Variants in RNPEPL1 observed in about 807,000 individuals in gnomAD.
The protein encoded by RNPEPL1 is arginyl aminopeptidase like 1.
A neutral mutation model predicts 69.0 loss-of-function variants in RNPEPL1; 46 were observed. The ratio of observed to expected loss-of-function variants is 0.67; its 90% CI spans 0.53 to 0.85. RNPEPL1 has a LOEUF of 0.85. Ranked by LOEUF, RNPEPL1 falls within the 40% of genes least tolerant of loss-of-function variation. The probability of loss-of-function intolerance (pLI) is 0.00; values close to 1 mark genes in which losing one functional copy is unlikely to be tolerated. For missense variants in RNPEPL1, 869 were observed against 992.5 expected (o/e 0.88, Z 1.67); for synonymous variants, 525 against 454.1 (o/e 1.16, Z -1.98).
In RNPEPL1 at chr2:240,576,519, C is replaced by T. The variant is rs2093038058; in HGVS notation, c.1511-16C>T. 1 of 1,600,008 alleles carries T rather than the reference C, an allele frequency of 6.2e-7. No homozygotes were observed. The highest frequency in any genetic ancestry group is 1.3e-5 in the African/African-American group (1 of 74,716). ...CTAGCCTGGGCAGGGACCCCAGGGTCACTTCTCCCCTCTAGGGCTGGAATT... is the reference window on the plus strand; with the variant it reads ...CTAGCCTGGGCAGGGACCCCAGGGTTACTTCTCCCCTCTAGGGCTGGAATT... On this transcript the variant is annotated splice_polypyrimidine_tract_variant and intron_variant, in intron 8 of 10. Coordinates refer to ENST00000270357, the MANE Select transcript of RNPEPL1 (RefSeq NM_018226.6).
chr2:240,575,994 G>A (rs1014359476), intron 8 of RNPEPL1: 1 of 286,926 alleles, frequency 3.5e-6, no homozygotes, highest in Non-Finnish European at 6.8e-6. Flanking sequence ...AGGGCTTGGG[G>A]CCCAGGAAGG....
intron 10 of RNPEPL1, 58 bp from the exon 11 acceptor site, chr2:240,577,541 T>C (rs1463228058): frequency 2.0e-6 from 3 of 1,490,950 alleles, no homozygotes; most frequent in Non-Finnish European, 2.7e-6. Context: ...GCTGGCAGGG[T>C]GGGCTGGCTC....
In RNPEPL1 at chr2:240,576,661, A is replaced by C; in HGVS notation, c.1637A>C (p.Asp546Ala). 1.2e-6 allele frequency: 2 copies of C among 1,612,986 alleles called. No individual in the cohort carries two copies. Among genetic ancestry groups the C allele is most frequent in the Non-Finnish European group, 1.7e-6 (2 of 1,179,976 alleles). The change falls in exon 9 of 11, where the codon GAC becomes GCC. Residue 546 changes from aspartate to alanine, a missense_variant. Physicochemically the swap from Asp to Ala is moderately radical, Grantham distance 126. This residue lies in a region of RNPEPL1 where 610 missense variants were observed against 790.9 expected (regional missense o/e 0.77). Coordinates refer to ENST00000270357, the MANE Select transcript of RNPEPL1 (RefSeq NM_018226.6). ...LFQLWTAEPL[D>A]QAAASASAID... is the part of the protein sequence containing the mutation. ...CAGCTGTGGACCGCAGAACCTCTGG[A>C]CCAGGCAGCTGCCTCGGCCAGCGCC... is the stretch of plus-strand genomic sequence containing the variant.
Position 240,581,288 on chromosome 2 carries a change from G to A in RNPEPL1, c.*3396G>A, listed in dbSNP as rs1201800369. 6.6e-6 allele frequency: 1 copy of A among 152,100 alleles called. No homozygotes were observed. The highest frequency in any genetic ancestry group is 2.4e-5 in the African/African-American group (1 of 41,394). The allele number at this position is 152,100 out of a possible 1,614,324, so 9.4% of individuals were successfully genotyped here. A position where few individuals can be genotyped will look rare whatever the true frequency, so the allele number is the denominator to read the frequency against. On this transcript the variant is annotated 3_prime_UTR_variant, in exon 11 of 11. Coordinates refer to ENST00000270357, the MANE Select transcript of RNPEPL1 (RefSeq NM_018226.6). ...ATATGAAGAGGCACTTATGAAACAA[G>A]AACAGGTAGTTTATAAAAAAGAACC... is the stretch of plus-strand genomic sequence containing the variant.
At chr2:240,571,679 G>A (rs1475187838) in intron 1 of RNPEPL1, among the ~76,000 whole-genome samples, 3 of 151,708 alleles carry the variant, frequency 2.0e-5, no homozygotes, top group African/African-American at 4.8e-5. Context: ...CAGCTTTGGT[G>A]CAGATGAGAG....
chr2:240,569,789 T>C (rs1165914744), intron 1 of RNPEPL1, among the ~76,000 whole-genome samples: 2 of 152,210 alleles, frequency 1.3e-5, no homozygotes, highest in Non-Finnish European at 2.9e-5. Context: ...CTAGGTGGTA[T>C]GGACGGCACA....
rs2125447546 is a variant in RNPEPL1, at chr2:240,569,055, C to A, written c.469C>A (p.Leu157Met). The A allele has an allele frequency of 6.6e-7, 1 of 1,510,710 alleles. No individual in the cohort carries two copies. Among genetic ancestry groups the A allele is most frequent in the African/African-American group, 1.4e-5 (1 of 69,392 alleles). 93.6% of individuals were successfully genotyped at this position (1,510,710 alleles called of 1,614,324 possible). A position where few individuals can be genotyped will look rare whatever the true frequency, so the allele number is the denominator to read the frequency against. The change falls in exon 1 of 11, where the codon CTG (leucine) becomes ATG (methionine). Residue 157 changes from leucine (L) to methionine (M), a missense_variant. Around this residue, in one of 2 missense-constraint regions of RNPEPL1, gnomAD observed 610 missense variants for 790.9 expected, o/e 0.77. Coordinates refer to ENST00000270357, the MANE Select transcript of RNPEPL1 (RefSeq NM_018226.6). ...SSLTVTLPPE[L>M]QAHQPFQVIL... ...GCTCACCGTCACGCTGCCGCCCGAG[C>A]TGCAGGCGCACCAGCCCTTCCAGGT...
At chr2:240,576,112 G>T in intron 8 of RNPEPL1, 1 of 271,528 alleles carries the variant, frequency 3.7e-6, no homozygotes, top group Non-Finnish European at 7.1e-6. Flanking sequence ...GGTACAGCAA[G>T]TGCATCAAGA....
In RNPEPL1 at chr2:240,574,328, G is replaced by A. The variant is rs780602396; in HGVS notation, c.1154G>A (p.Arg385His). 26 of 1,594,994 alleles carry A rather than the reference G, an allele frequency of 1.6e-5. No individual in the cohort carries two copies. Among genetic ancestry groups the A allele is most frequent in the Non-Finnish European group, 2.0e-5 (23 of 1,176,550 alleles). Residue 385 changes from arginine to histidine, a missense_variant, in exon 5 of 11, where the codon CGT becomes CAT. Transcript: ENST00000270357. The stretch of plus-strand genomic sequence containing the variant: ...GGCCTGGCCACCTATGCCCAGCGCC[G>A]TATCACCACCGAGACCTACGGTGCG... ...SEGLATYAQR[R>H]ITTETYGAAF...
intron 6 of RNPEPL1, 124 bp from the exon 7 acceptor site, chr2:240,574,906 T>C: frequency 1.3e-6 from 1 of 797,102 alleles, no homozygotes; most frequent in East Asian, 2.4e-5. Context: ...AGTACACATC[T>C]GGACATGTGA....
At chr2:240,573,728 G>C (rs373622534) in intron 3 of RNPEPL1, 47 bp from the exon 4 acceptor site, 1 of 1,439,222 alleles carries the variant, frequency 6.9e-7, no homozygotes, top group Admixed American at 2.2e-5. Flanking sequence ...TGGGGTGAGC[G>C]GGGCTGGGGC....
rs574598857 is a variant in RNPEPL1 at position 240,578,191 on chromosome 2, A to G, written c.*299A>G. ...GCTGTGCCTAGCCCCGGATGCCAGC[A>G]CCTGCCAGGTGCCGCCCCGGGGCAA... On this transcript the variant is annotated 3_prime_UTR_variant, in exon 11 of 11. Coordinates refer to ENST00000270357, the MANE Select transcript of RNPEPL1 (RefSeq NM_018226.6). The G allele has an allele frequency of 1.6e-5, 5 of 305,756 alleles. No individual in the cohort carries two copies. In the South Asian group the frequency reaches 6.7e-4, roughly 41 times the overall value. The allele number at this position is 305,756 out of a possible 1,614,324, so 18.9% of individuals were successfully genotyped here.
chr2:240,576,895 A>G lies in RNPEPL1; in HGVS notation c.1789A>G (p.Met597Val). 1 of 1,613,390 alleles carries G rather than the reference A, an allele frequency of 6.2e-7. No homozygotes were observed. The highest frequency in any genetic ancestry group is 8.5e-7 in the Non-Finnish European group (1 of 1,179,958). Residue 597 changes from methionine to valine, a missense_variant, in exon 10 of 11, where the codon ATG (methionine) becomes GTG (valine). This residue lies in a region of RNPEPL1 where 610 missense variants were observed against 790.9 expected (regional missense o/e 0.77). Coordinates refer to ENST00000270357, the MANE Select transcript of RNPEPL1 (RefSeq NM_018226.6). ...SKCYSSLLDS[M>V]NAEIRIRWLQ... ...GTGCTACTCCTCCCTGCTGGACTCG[A>G]TGAACGCTGAGATCCGCATCCGCTG...
At chr2:240,577,056 G>A (rs536934431) in intron 10 of RNPEPL1, 66 bp downstream of exon 10, 79 of 1,591,272 alleles carry the variant, frequency 5.0e-5, no homozygotes, top group East Asian at 9.0e-5. Flanking sequence ...AGTCCCACCC[G>A]ACTCCCTAGT....
rs1211115772 is a variant in RNPEPL1, at chr2:240,577,936, G to T, written c.*44G>T. The T allele has an allele frequency of 7.0e-7, 1 of 1,428,532 alleles. No homozygotes were observed. The highest frequency in any genetic ancestry group is 1.4e-5 in the African/African-American group (1 of 70,036). The allele number at this position is 1,428,532 out of a possible 1,614,324, so 88.5% of individuals were successfully genotyped here. A position where few individuals can be genotyped will look rare whatever the true frequency, so the allele number is the denominator to read the frequency against. On this transcript the variant is annotated 3_prime_UTR_variant, in exon 11 of 11. Transcript: ENST00000270357. ...CCTCGACCTCCCAGACACCACAATTGTGCCTTCTGTGGGCCAGGCCTGCCA... is the reference window on the plus strand; with the variant it reads ...CCTCGACCTCCCAGACACCACAATTTTGCCTTCTGTGGGCCAGGCCTGCCA...
Position 240,578,198 on chromosome 2 carries a change from A to G in RNPEPL1, c.*306A>G. The G allele has an allele frequency of 3.4e-6, 1 of 293,592 alleles. No individual in the cohort carries two copies. Among genetic ancestry groups the G allele is most frequent in the Non-Finnish European group, 6.4e-6 (1 of 157,024 alleles). 18.2% of individuals were successfully genotyped at this position (293,592 alleles called of 1,614,324 possible). A position where few individuals can be genotyped will look rare whatever the true frequency, so the allele number is the denominator to read the frequency against. On this transcript the variant is annotated 3_prime_UTR_variant, in exon 11 of 11. Transcript: ENST00000270357. Reference sequence around the variant, plus strand: ...CTAGCCCCGGATGCCAGCACCTGCCAGGTGCCGCCCCGGGGCAAGGGCCCC... The same window carrying G: ...CTAGCCCCGGATGCCAGCACCTGCCGGGTGCCGCCCCGGGGCAAGGGCCCC...
intron 1 of RNPEPL1, among the ~76,000 whole-genome samples, chr2:240,571,766 C>T (rs927449678): frequency 1.3e-5 from 2 of 151,814 alleles, no homozygotes; most frequent in East Asian, 1.9e-4. Flanking sequence ...CCGCAGCCCC[C>T]GGCCTCCAGG....
chr2:240,570,135 A>T (rs1028596273), intron 1 of RNPEPL1, among the ~76,000 whole-genome samples: 1 of 152,218 alleles, frequency 6.6e-6, no homozygotes, highest in Non-Finnish European at 1.5e-5. Context: ...CCAGTATGAC[A>T]GGTGAGAACT....
In RNPEPL1 at chr2:240,568,869, GC is replaced by G; in HGVS notation, c.285del (p.Ala96ProfsTer89). 8.5e-7 allele frequency: 1 copy of G among 1,172,932 alleles called. No homozygotes were observed. The allele number at this position is 1,172,932 out of a possible 1,614,324, so 72.7% of individuals were successfully genotyped here. On this transcript the variant is annotated frameshift_variant, in exon 1 of 11. Coordinates refer to ENST00000270357, the MANE Select transcript of RNPEPL1 (RefSeq NM_018226.6). LOFTEE classifies it high-confidence loss of function. This position sits in a 1 kb window ranked among gnomAD's most constrained non-coding sequence, Gnocchi z 6.2. The stretch of plus-strand genomic sequence containing the variant: ...CTCAGCCGCCTTCCGTCGCGCCCCC[GC>G]CGCCGCCGCCGAGACGCCCTGCGCC... ...LHSAAFRRAP[A>X]AAAETPCAFA...
Sources: allele counts gnomAD v4.1 joint callset (sites outside exome capture counted in the v4.1 genomes callset), GRCh38; gene constraint gnomAD v4.1.1; regional missense constraint gnomAD v4.1.1; non-coding constraint Gnocchi (gnomAD v3.1); transcripts MANE v1.5; gene names NCBI Gene and HGNC (gene_info 2026-07-23, HGNC 2026-07-21).